PIGR: variants seen among roughly 807,000 people sequenced by gnomAD.
The protein encoded by PIGR is hepatocellular carcinoma associated protein TB6.
A neutral mutation model predicts 69.5 loss-of-function variants in PIGR; 22 were observed. That is an observed-to-expected ratio of 0.32 (90% CI 0.23 to 0.45). PIGR has a LOEUF of 0.45. PIGR is among the 20% of genes least tolerant of loss of function. PIGR has a pLI of 1.00. For synonymous variants in PIGR, 413 were observed against 407.6 expected (o/e 1.01, Z -0.16); for missense variants, 885 against 974.0 (o/e 0.91, Z 1.22).
intron 1 of PIGR, among the ~76,000 whole-genome samples, chr1:206,944,480 T>TA (rs1379694406): frequency 6.6e-6 from 1 of 151,732 alleles, no homozygotes; most frequent in African/African-American, 2.4e-5. Flanking sequence ...CTCAAAAAAA[T>TA]AAAAAATTAA....
Position 206,930,345 on chromosome 1 carries a change from C to T in PIGR, c.2268G>A (p.Glu756=), listed in dbSNP as rs1412158177. The T allele has an allele frequency of 2.5e-6, 4 of 1,611,896 alleles. No individual in the cohort carries two copies. Among genetic ancestry groups the T allele is most frequent in the Middle Eastern group, 3.3e-4 (2 of 6,048 alleles). ...AGGCTTCCTGGGGGCCGTCCTGGGC[C>T]TCGGCGGCCACGGTGCTGGACTGGA... is the stretch of plus-strand genomic sequence containing the variant. The part of the protein sequence containing the change: ...FLLQSSTVAA[E]AQDGPQEA Residue 756 remains glutamate, a synonymous_variant, in exon 11 of 11, where the codon GAG becomes GAA. Coordinates refer to ENST00000356495, the MANE Select transcript of PIGR (RefSeq NM_002644.4). This position sits in a 1 kb window ranked among gnomAD's most constrained non-coding sequence, Gnocchi z 4.3.
rs1181446709 is a variant in PIGR, at chr1:206,929,037, A to T, written c.*1281T>A. 1 of 143,092 alleles carries T rather than the reference A, an allele frequency of 7.0e-6. No individual in the cohort carries two copies. Among genetic ancestry groups the T allele is most frequent in the East Asian group, 2.1e-4 (1 of 4,876 alleles). The allele number at this position is 143,092 out of a possible 1,614,324, so 8.9% of individuals were successfully genotyped here. A position where few individuals can be genotyped will look rare whatever the true frequency, so the allele number is the denominator to read the frequency against. ...CACTTGAGGCCAGGAGTTCGAGACC[A>T]GTCTCGTCAACATGGCGAAACCCTG... On this transcript the variant is annotated 3_prime_UTR_variant, in exon 11 of 11. Transcript: ENST00000356495.
chr1:206,939,830 G>T (rs1400260785), intron 2 of PIGR, among the ~76,000 whole-genome samples: 2 of 152,148 alleles, frequency 1.3e-5, no homozygotes, highest in South Asian at 2.1e-4. Context: ...AGGTTCAAGC[G>T]ATTCTCATGC....
Position 206,932,530 on chromosome 1 carries a change from A to G in PIGR, c.1934T>C (p.Val645Ala). ...GSSRALVSTL[V>A]PLGLVLAVGA... ...CACTGCCAGCACCAGGCCCAGGGGC[A>G]CCAGGGTGGAGACCAGCGCTCTGGA... Residue 645 changes from valine to alanine, a missense_variant, in exon 8 of 11, where the codon GTG (valine) becomes GCG (alanine). Transcript: ENST00000356495. 6.2e-7 allele frequency: 1 copy of G among 1,613,882 alleles called. No individual in the cohort carries two copies. Among genetic ancestry groups the G allele is most frequent in the Non-Finnish European group, 8.5e-7 (1 of 1,179,992 alleles).
chr1:206,946,092 CCCA>C (rs1340808657), intron 1 of PIGR, among the ~76,000 whole-genome samples: 1 of 152,194 alleles, frequency 6.6e-6, no homozygotes, highest in Non-Finnish European at 1.5e-5. Flanking sequence ...GAGGTCCCTT[CCCA>C]CCTGCTGATA....
chr1:206,937,023 CAG>C, intron 4 of PIGR, 70 bp downstream of exon 4: 1 of 1,381,124 alleles, frequency 7.2e-7, no homozygotes, highest in South Asian at 1.4e-5. Flanking sequence ...TGAATACACT[CAG>C]AGGGAGCTGA....
At chr1:206,940,363 A>C (rs1351851669) in intron 2 of PIGR, 126 bp downstream of exon 2, 3 of 835,450 alleles carry the variant, frequency 3.6e-6, no homozygotes, top group African/African-American at 3.4e-5. Context: ...TTCCTCAAGG[A>C]AGTGCCAACT....
intron 1 of PIGR, among the ~76,000 whole-genome samples, chr1:206,942,031 A>T (rs1343717624): frequency 6.6e-6 from 1 of 152,124 alleles, no homozygotes; most frequent in African/African-American, 2.4e-5. Context: ...AAGGCAATAG[A>T]GTTGTTTATC....
rs1240300563 is a variant in PIGR at position 206,935,249 on chromosome 1, A to T, written c.1378+237T>A. Among the ~76,000 whole-genome samples, 1 of 152,160 alleles carries T rather than the reference A, an allele frequency of 6.6e-6. No individual in the cohort carries two copies. The highest frequency in any genetic ancestry group is 1.5e-5 in the Non-Finnish European group (1 of 68,020). On this transcript the variant is annotated intron_variant, in intron 5 of 10. Transcript: ENST00000356495. The surrounding 1 kb of genome is among the most constrained non-coding windows in gnomAD (Gnocchi z 4.4). ...TATCTGCAATCCTTGACTTCAGCTG[A>T]TGCCTGCACACTGCGAAAGAAGCCC...
At chr1:206,931,445 C>T (rs1679746614) in intron 10 of PIGR, 52 bp downstream of exon 10, 1 of 1,613,690 alleles carries the variant, frequency 6.2e-7, no homozygotes, top group Non-Finnish European at 8.5e-7. Flanking sequence ...AACTGCATCC[C>T]CTCATGCTGC....
chr1:206,936,229 T>C (rs574470070), intron 4 of PIGR, among the ~76,000 whole-genome samples: 6 of 152,278 alleles, frequency 3.9e-5, no homozygotes, highest in Admixed American at 6.5e-5. Context: ...CAAGAAAATA[T>C]ATTTAGGATG....
chr1:206,930,529 C>A lies in PIGR; in HGVS notation c.2200-116G>T. On this transcript the variant is annotated intron_variant, in intron 10 of 10. Coordinates refer to ENST00000356495, the MANE Select transcript of PIGR (RefSeq NM_002644.4). The surrounding 1 kb of genome is among the most constrained non-coding windows in gnomAD (Gnocchi z 4.3). ...TGATCTTGGTCCAAGCAACACAAGCCTTTGGGGCCCACTGTTCTCATCCCA... is the reference window on the plus strand; with the variant it reads ...TGATCTTGGTCCAAGCAACACAAGCATTTGGGGCCCACTGTTCTCATCCCA... The A allele has an allele frequency of 7.2e-7, 1 of 1,393,512 alleles. No homozygotes were observed. The highest frequency in any genetic ancestry group is 2.7e-5 in the East Asian group (1 of 36,670). 86.3% of individuals were successfully genotyped at this position (1,393,512 alleles called of 1,614,324 possible). A position where few individuals can be genotyped will look rare whatever the true frequency, so the allele number is the denominator to read the frequency against.
rs764895960 is a variant in PIGR, at chr1:206,937,078, C to T, written c.1045+17G>A. On this transcript the variant is annotated intron_variant, in intron 4 of 10. Transcript: ENST00000356495. Reference sequence around the variant, plus strand: ...GAGACTGCCCCACCTACTCCCCCTCCCTCTCTAGGGTCTTACCCTCATTGA... The same window carrying T: ...GAGACTGCCCCACCTACTCCCCCTCTCTCTCTAGGGTCTTACCCTCATTGA... 4.5e-6 allele frequency: 7 copies of T among 1,550,752 alleles called. No homozygotes were observed. Among genetic ancestry groups the T allele is most frequent in the Non-Finnish European group, 6.1e-6 (7 of 1,148,080 alleles).
chr1:206,937,660 T>C lies in PIGR; in HGVS notation c.480A>G (p.Gln160=). The change falls in exon 4 of 11, where the codon CAA becomes CAG. Residue 160 remains glutamine (Q), a synonymous_variant. Coordinates refer to ENST00000356495, the MANE Select transcript of PIGR (RefSeq NM_002644.4). ...INCPFKTENA[Q]KRKSLYKQIG... is the part of the protein sequence containing the mutation. ...TCTGCTTGTACAAGGACTTCCTCTT[T>C]TGAGCATTCTCAGTCTTGAAAGGGC... The C allele has an allele frequency of 6.2e-7, 1 of 1,613,924 alleles. No homozygotes were observed. The highest frequency in any genetic ancestry group is 1.1e-5 in the South Asian group (1 of 90,986).
rs1679676148 is a variant in PIGR at position 206,929,195 on chromosome 1, A to G, written c.*1123T>C. 1 of 152,010 alleles carries G rather than the reference A, an allele frequency of 6.6e-6. No homozygotes were observed. The highest frequency in any genetic ancestry group is 1.5e-5 in the Non-Finnish European group (1 of 68,074). The allele number at this position is 152,010 out of a possible 1,614,324, so 9.4% of individuals were successfully genotyped here. On this transcript the variant is annotated 3_prime_UTR_variant, in exon 11 of 11. Coordinates refer to ENST00000356495, the MANE Select transcript of PIGR (RefSeq NM_002644.4). ...AAGGCAGAGGTTTCAGTGAGCCGAGATTGTGTCACTGCATTCCAGTCTGGG... is the reference window on the plus strand; with the variant it reads ...AAGGCAGAGGTTTCAGTGAGCCGAGGTTGTGTCACTGCATTCCAGTCTGGG...
chr1:206,930,560 C>T lies in PIGR; in HGVS notation c.2200-147G>A. 4.5e-6 allele frequency: 6 copies of T among 1,324,254 alleles called. No homozygotes were observed. The highest frequency in any genetic ancestry group is 5.8e-6 in the Non-Finnish European group (6 of 1,035,400). The allele number at this position is 1,324,254 out of a possible 1,614,324, so 82.0% of individuals were successfully genotyped here. ...GGCCCACTGTTCTCATCCCAGCCCC[C>T]ATGCTCACCAAGAAGGACGCATTTT... On this transcript the variant is annotated intron_variant, in intron 10 of 10. Coordinates refer to ENST00000356495, the MANE Select transcript of PIGR (RefSeq NM_002644.4). This position sits in a 1 kb window ranked among gnomAD's most constrained non-coding sequence, Gnocchi z 4.3.
In PIGR at chr1:206,936,262, T is replaced by C. The variant is rs372786914; in HGVS notation, c.1046-444A>G. Among the ~76,000 whole-genome samples the C allele has an allele frequency of 3.7e-3, 557 of 152,264 alleles. 3 individuals carry two copies. Among genetic ancestry groups the C allele is most frequent in the African/African-American group, 0.012 (519 of 41,544 alleles). ...ATGGTATGATGTAAACTATAAAGTATGTAGCAAAGGTGAGCTTAATTGTTG... is the reference window on the plus strand; with the variant it reads ...ATGGTATGATGTAAACTATAAAGTACGTAGCAAAGGTGAGCTTAATTGTTG... On this transcript the variant is annotated intron_variant, in intron 4 of 10. Coordinates refer to ENST00000356495, the MANE Select transcript of PIGR (RefSeq NM_002644.4).
At chr1:206,943,401 A>T (rs1309087265) in intron 1 of PIGR, among the ~76,000 whole-genome samples, 1 of 152,164 alleles carries the variant, frequency 6.6e-6, no homozygotes, top group African/African-American at 2.4e-5. Context: ...ATATTATATC[A>T]TGCATGAGGG....
intron 1 of PIGR, among the ~76,000 whole-genome samples, chr1:206,942,774 A>T (rs1183548267): frequency 6.6e-6 from 1 of 152,160 alleles, no homozygotes; most frequent in Non-Finnish European, 1.5e-5. Flanking sequence ...GAGAGGGGAC[A>T]TGTGTGTGCA....
Sources: allele counts gnomAD v4.1 joint callset (sites outside exome capture counted in the v4.1 genomes callset), GRCh38; gene constraint gnomAD v4.1.1; non-coding constraint Gnocchi (gnomAD v3.1); transcripts MANE v1.5; gene names NCBI Gene and HGNC (gene_info 2026-07-23, HGNC 2026-07-21).